PRKCB: variants seen among roughly 807,000 people sequenced by gnomAD.
The protein encoded by PRKCB is protein kinase C beta, also known as protein kinase C beta type.
PRKCB carries 13 observed loss-of-function variants against 81.5 expected under a neutral mutation model. That is an observed-to-expected ratio of 0.16 (90% confidence interval 0.10 to 0.25). The LOEUF (loss-of-function observed/expected upper bound fraction) is 0.25, where lower values mean the gene tolerates loss of function less well. Ranked by LOEUF, PRKCB falls within the 10% of genes least tolerant of loss-of-function variation. PRKCB has a pLI of 1.00. For missense variants in PRKCB, 509 were observed against 875.7 expected, an observed-to-expected ratio of 0.58 and a Z score of 5.29; for synonymous variants, 335 against 321.4, an observed-to-expected ratio of 1.04 and a Z score of -0.45.
rs1968278620 is a variant in PRKCB, at chr16:24,219,082, GGAGCA to G, written c.*4267_*4271del. On this transcript the variant is annotated 3_prime_UTR_variant, in exon 17 of 17. Transcript: ENST00000643927. ...GGCTTGCAAGGACCCTGAAGAGGTC[GGAGCA>G]TCATACAGATTCCTTTATTAGCCCA... 3 of 985,360 alleles carry G rather than the reference GGAGCA, an allele frequency of 3.0e-6. No individual in the cohort carries two copies. Among genetic ancestry groups the G allele is most frequent in the Middle Eastern group, 5.2e-4 (1 of 1,914 alleles). 61.0% of individuals were successfully genotyped at this position (985,360 alleles called of 1,614,324 possible).
chr16:24,219,278 G>C lies in PRKCB; in HGVS notation c.*4462G>C. 7.5e-6 allele frequency: 7 copies of C among 935,838 alleles called. No homozygotes were observed. Among genetic ancestry groups the C allele is most frequent in the Non-Finnish European group, 8.6e-6 (7 of 815,164 alleles). 58.0% of individuals were successfully genotyped at this position (935,838 alleles called of 1,614,324 possible). On this transcript the variant is annotated 3_prime_UTR_variant, in exon 17 of 17. Transcript: ENST00000643927. Reference sequence around the variant, plus strand: ...TTGTTTTGTTTTGTTTTGTTTTAAGGCTCCCCTTACACACCCTCCTTTAAG... The same window carrying C: ...TTGTTTTGTTTTGTTTTGTTTTAAGCCTCCCCTTACACACCCTCCTTTAAG...
chr16:24,212,871 T>A (rs1278044631), intron 16 of PRKCB, among the ~76,000 whole-genome samples: 1 of 152,086 alleles, frequency 6.6e-6, no homozygotes, highest in Admixed American at 6.6e-5. Flanking sequence ...GTTTTCACAC[T>A]TTCTCTGTCT....
chr16:23,932,330 G>A (rs554991852), intron 2 of PRKCB, among the ~76,000 whole-genome samples: 1 of 152,304 alleles, frequency 6.6e-6, no homozygotes, highest in Admixed American at 6.5e-5. Flanking sequence ...AATTGTGGTT[G>A]CTTTTTTGTT....
intron 7 of PRKCB, among the ~76,000 whole-genome samples, chr16:24,096,632 A>G (rs900939417): frequency 7.9e-6 from 1 of 126,724 alleles, no homozygotes; most frequent in African/African-American, 3.1e-5. Context: ...TGAAGATTTT[A>G]TTTTGCTCCC....
At chr16:24,183,315 A>G (rs1967656373) in intron 13 of PRKCB, among the ~76,000 whole-genome samples, 1 of 152,156 alleles carries the variant, frequency 6.6e-6, no homozygotes, top group Admixed American at 6.5e-5. Flanking sequence ...TAACATATTT[A>G]TTGTCTCACA....
intron 2 of PRKCB, among the ~76,000 whole-genome samples, chr16:23,946,360 C>T (rs909708940): frequency 1.3e-5 from 2 of 152,140 alleles, no homozygotes; most frequent in Non-Finnish European, 2.9e-5. Flanking sequence ...TGAAGTGGTA[C>T]CTGAAGGTAC....
chr16:23,907,217 G>A (rs1352695789), intron 2 of PRKCB, among the ~76,000 whole-genome samples: 2 of 152,108 alleles, frequency 1.3e-5, no homozygotes, highest in Middle Eastern at 6.3e-3. Context: ...CATTGCCCTG[G>A]GTGGCAAAAT....
chr16:24,110,922 C>A (rs895614955), intron 7 of PRKCB, among the ~76,000 whole-genome samples: 3 of 152,038 alleles, frequency 2.0e-5, no homozygotes, highest in African/African-American at 7.2e-5. Context: ...AAAAAGTGTC[C>A]TTTAAAATTA....
At chr16:24,114,098 A>G (rs1180860566) in intron 8 of PRKCB, among the ~76,000 whole-genome samples, 1 of 151,008 alleles carries the variant, frequency 6.6e-6, no homozygotes, top group Non-Finnish European at 1.5e-5. Flanking sequence ...GCACGCCTGT[A>G]ATACCAGCTA....
At chr16:24,085,178 G>A (rs1174569368) in intron 5 of PRKCB, among the ~76,000 whole-genome samples, 1 of 150,114 alleles carries the variant, frequency 6.7e-6, no homozygotes, top group East Asian at 1.9e-4. Context: ...GGTAAAGGGA[G>A]TAGAGACATA....
chr16:24,052,432 A>G (rs1965854003), intron 5 of PRKCB, among the ~76,000 whole-genome samples: 1 of 152,212 alleles, frequency 6.6e-6, no homozygotes, highest in African/African-American at 2.4e-5. Context: ...AAGCAAGCTT[A>G]CTAAGAAAGT....
intron 7 of PRKCB, among the ~76,000 whole-genome samples, chr16:24,110,515 T>TATTTTA (rs2141916654): frequency 6.9e-6 from 1 of 144,836 alleles, no homozygotes; most frequent in Admixed American, 6.8e-5. Context: ...CCAACCTTTT[T>TATTTTA]TTTTTTTTTT....
At chr16:24,058,060 C>T (rs963344741) in intron 5 of PRKCB, among the ~76,000 whole-genome samples, 1 of 152,182 alleles carries the variant, frequency 6.6e-6, no homozygotes, top group African/African-American at 2.4e-5. Context: ...CCCATGATAG[C>T]CACATCTCTG....
intron 15 of PRKCB, among the ~76,000 whole-genome samples, chr16:24,189,571 G>A (rs1439508042): frequency 2.6e-5 from 4 of 151,150 alleles, no homozygotes; most frequent in African/African-American, 9.7e-5. Context: ...GAACCCGGGA[G>A]GTGGAGCTTG....
At chr16:24,079,542 T>C (rs1966223250) in intron 5 of PRKCB, among the ~76,000 whole-genome samples, 1 of 152,290 alleles carries the variant, frequency 6.6e-6, no homozygotes, top group South Asian at 2.1e-4. Context: ...TGTCTCCTTC[T>C]TCCAAATTCC....
intron 2 of PRKCB, among the ~76,000 whole-genome samples, chr16:23,908,431 C>A (rs930572581): frequency 6.6e-6 from 1 of 152,152 alleles, no homozygotes; most frequent in East Asian, 1.9e-4. Context: ...TGAGCGTCCT[C>A]CCCAGGTGCG....
intron 2 of PRKCB, among the ~76,000 whole-genome samples, chr16:23,982,473 T>C (rs1014757010): frequency 1.3e-5 from 2 of 151,468 alleles, no homozygotes; most frequent in Admixed American, 6.6e-5. Flanking sequence ...CAGGCTGGAG[T>C]GCAGTGGTGC....
chr16:24,051,835 TG>T (rs1171681035), intron 5 of PRKCB, among the ~76,000 whole-genome samples: 2 of 152,098 alleles, frequency 1.3e-5, no homozygotes, highest in Non-Finnish European at 1.5e-5. Flanking sequence ...CCGGGCACAG[TG>T]GCTCACGCCT....
intron 2 of PRKCB, among the ~76,000 whole-genome samples, chr16:23,888,549 A>T (rs1963239966): frequency 6.6e-6 from 1 of 152,008 alleles, no homozygotes; most frequent in Admixed American, 6.6e-5. Context: ...TTTCTTTTTT[A>T]AGTGTGTGCT....
Sources: allele counts gnomAD v4.1 joint callset (sites outside exome capture counted in the v4.1 genomes callset), GRCh38; gene constraint gnomAD v4.1.1; transcripts MANE v1.5; gene names NCBI Gene and HGNC (gene_info 2026-07-23, HGNC 2026-07-21).